Variants in PCDH11X observed in about 807,000 individuals in gnomAD.
The protein encoded by PCDH11X is protocadherin 11 X-linked.
PCDH11X carries 18 observed loss-of-function variants against 53.3 expected under a neutral mutation model. That is an observed-to-expected ratio of 0.34 (90% CI 0.23 to 0.50). The LOEUF (loss-of-function observed/expected upper bound fraction) is 0.50, where lower values mean the gene tolerates loss of function less well. Ranked by LOEUF, PCDH11X falls within the 20% of genes least tolerant of loss-of-function variation. PCDH11X has a pLI of 0.98. For missense variants in PCDH11X, 570 were observed against 1,032.4 expected, an observed-to-expected ratio of 0.55 and a Z score of 6.14; for synonymous variants, 279 against 393.3, an observed-to-expected ratio of 0.71 and a Z score of 3.44.
At chrX:91,930,231 T>A (rs1379740726) in intron 6 of PCDH11X, among the ~76,000 whole-genome samples, 11 of 108,593 alleles carry the variant, frequency 1.0e-4, no homozygotes, top group Non-Finnish European at 1.7e-4. Flanking sequence ...AAATTGGTAG[T>A]AATAGGTAGA....
chrX:92,026,690 G>T (rs1203744520), intron 6 of PCDH11X, among the ~76,000 whole-genome samples: 2 of 84,064 alleles, frequency 2.4e-5, no homozygotes. Flanking sequence ...CATTGCATAA[G>T]GGTAGGGCAC....
intron 7 of PCDH11X, among the ~76,000 whole-genome samples, chrX:92,216,766 T>G (rs867940853): frequency 1.7e-4 from 16 of 92,070 alleles, no homozygotes; most frequent in Middle Eastern, 5.4e-3. Flanking sequence ...TCACCAAAGT[T>G]GAAATGAAGG....
At position 91,945,048 on chromosome X, in the gene PCDH11X, C is replaced by CATATATATATATATATATATAT. The variant is rs754168068; in HGVS notation, c.3033+65795_3033+65796insATATATATATATATATATATAT. On this transcript the variant is annotated intron_variant, in intron 6 of 10. Transcript: ENST00000682573. Reference sequence around the variant, plus strand: ...TCTAAGTCTTCGTAGACATCATATACATATATATATATATATATATTCTTA... The same window carrying CATATATATATATATATATATAT: ...TCTAAGTCTTCGTAGACATCATATACATATATATATATATATATATATATATATATATATATATATATTCTTA... 2.7e-3 allele frequency among the ~76,000 whole-genome samples: 169 copies of CATATATATATATATATATATAT among 62,553 alleles called. 1 individual carries two copies. Among genetic ancestry groups the CATATATATATATATATATATAT allele is most frequent in the Non-Finnish European group, 3.3e-3 (106 of 31,810 alleles). 54.3% of individuals were successfully genotyped at this position (62,553 alleles called of 115,157 possible).
chrX:92,196,130 T>C (rs991884914), intron 6 of PCDH11X, among the ~76,000 whole-genome samples: 1 of 111,785 alleles, frequency 8.9e-6, no homozygotes, highest in African/African-American at 3.2e-5. Flanking sequence ...ATCTCAATAC[T>C]TGAAAATTTT....
intron 6 of PCDH11X, among the ~76,000 whole-genome samples, chrX:91,887,458 A>G (rs1940284588): frequency 9.0e-6 from 1 of 111,606 alleles, no homozygotes; most frequent in South Asian, 3.7e-4. Flanking sequence ...GTGTTCATAC[A>G]TGACATCTTT....
At chrX:92,533,090 C>T (rs2148728151) in intron 10 of PCDH11X, among the ~76,000 whole-genome samples, 1 of 110,937 alleles carries the variant, frequency 9.0e-6, no homozygotes, top group African/African-American at 3.3e-5. Context: ...CCATATTACC[C>T]CCACACAATA....
At chrX:92,545,163 A>G (rs1331286556) in intron 10 of PCDH11X, among the ~76,000 whole-genome samples, 1 of 111,182 alleles carries the variant, frequency 9.0e-6, no homozygotes, top group Non-Finnish European at 1.9e-5. Flanking sequence ...AGAAGTTGTA[A>G]TGATTAGCAA....
rs191428317 is a variant in PCDH11X at position 92,320,321 on chromosome X, T to C, written c.3144+57178T>C. ...ATCCTGCTGAAATGTGTATTACCTGTCTCTGCTCCTGTTCTGGAATTTTAG... is the reference window on the plus strand; with the variant it reads ...ATCCTGCTGAAATGTGTATTACCTGCCTCTGCTCCTGTTCTGGAATTTTAG... On this transcript the variant is annotated intron_variant, in intron 8 of 10. Transcript: ENST00000682573. 5.4e-5 allele frequency among the ~76,000 whole-genome samples: 6 copies of C among 111,444 alleles called. No individual in the cohort carries two copies. In the East Asian group the frequency reaches 1.4e-3, roughly 26 times the overall value.
At chrX:92,529,121 A>C (rs2074510443) in intron 10 of PCDH11X, among the ~76,000 whole-genome samples, 1 of 111,510 alleles carries the variant, frequency 9.0e-6, no homozygotes, top group Non-Finnish European at 1.9e-5. Context: ...AGGATGAAAA[A>C]ATTTTCTGGA....
At chrX:92,511,664 A>G (rs1323852480) in intron 10 of PCDH11X, among the ~76,000 whole-genome samples, 1 of 111,665 alleles carries the variant, frequency 9.0e-6, no homozygotes, top group Non-Finnish European at 1.9e-5. Flanking sequence ...TCCAGTCTTA[A>G]TTCAGTATGT....
chrX:92,533,562 T>A (rs1004979484), intron 10 of PCDH11X, among the ~76,000 whole-genome samples: 1 of 108,269 alleles, frequency 9.2e-6, no homozygotes, highest in African/African-American at 3.4e-5. Context: ...AGAGCAAGGA[T>A]TTCAAAGGGG....
At chrX:92,486,628 C>T (rs933461800) in intron 10 of PCDH11X, among the ~76,000 whole-genome samples, 40 of 111,661 alleles carry the variant, frequency 3.6e-4, no homozygotes, top group Non-Finnish European at 6.6e-4. Context: ...CCATTATGCT[C>T]CAACTACAAT....
intron 10 of PCDH11X, among the ~76,000 whole-genome samples, chrX:92,492,773 A>G (rs1482553491): frequency 9.2e-6 from 1 of 108,622 alleles, no homozygotes; most frequent in African/African-American, 3.3e-5. Flanking sequence ...GACAAATAGA[A>G]CTTATGAAAC....
At chrX:92,274,502 C>G (rs1345555780) in intron 8 of PCDH11X, among the ~76,000 whole-genome samples, 1 of 111,002 alleles carries the variant, frequency 9.0e-6, no homozygotes, top group East Asian at 2.8e-4. Flanking sequence ...TAGGAAAGGA[C>G]TCTACCTGTC....
intron 8 of PCDH11X, among the ~76,000 whole-genome samples, chrX:92,355,657 G>A (rs1194991725): frequency 3.8e-5 from 4 of 105,105 alleles, no homozygotes; most frequent in Admixed American, 3.2e-4. Context: ...GAGTTTCCCT[G>A]CATTTTTTTT....
At chrX:92,510,617 T>C (rs1174721545) in intron 10 of PCDH11X, among the ~76,000 whole-genome samples, 1 of 108,699 alleles carries the variant, frequency 9.2e-6, no homozygotes, top group Non-Finnish European at 1.9e-5. Flanking sequence ...ACCTCACTTA[T>C]TATCCGGTAG....
chrX:92,406,506 T>A (rs1332827109), intron 9 of PCDH11X, among the ~76,000 whole-genome samples: 1 of 101,255 alleles, frequency 9.9e-6, no homozygotes, highest in Non-Finnish European at 2.0e-5. Context: ...ATGTGCAAGT[T>A]TTATTATTAA....
At chrX:92,601,259 C>CA (rs1480855428) in intron 10 of PCDH11X, among the ~76,000 whole-genome samples, 2 of 104,184 alleles carry the variant, frequency 1.9e-5, no homozygotes, top group African/African-American at 7.1e-5. Context: ...CCTGTGTCCC[C>CA]ACTCAAATTT....
At chrX:92,349,617 C>T (rs1235759455) in intron 8 of PCDH11X, among the ~76,000 whole-genome samples, 3 of 106,567 alleles carry the variant, frequency 2.8e-5, no homozygotes, top group Admixed American at 2.0e-4. Flanking sequence ...ACCTCCTTTC[C>T]TCTTATATAT....
Sources: allele counts gnomAD v4.1 joint callset (sites outside exome capture counted in the v4.1 genomes callset), GRCh38; gene constraint gnomAD v4.1.1; transcripts MANE v1.5; gene names NCBI Gene and HGNC (gene_info 2026-07-23, HGNC 2026-07-21).